VPS16: variants seen among roughly 807,000 people sequenced by gnomAD.
VPS16 encodes the protein vacuolar protein sorting-associated protein 16 homolog.
A neutral mutation model predicts 116.0 loss-of-function variants in VPS16; 82 were observed. The observed-to-expected ratio is 0.71, with a 90% CI of 0.59 to 0.85. VPS16 has a LOEUF of 0.85. VPS16 is among the 40% of genes least tolerant of loss of function. VPS16 has a pLI of 0.00. For missense variants in VPS16, 928 were observed against 1,090.6 expected (o/e 0.85, Z 2.10); for synonymous variants, 406 against 420.7 (o/e 0.96, Z 0.43).
intron 1 of VPS16, among the ~76,000 whole-genome samples, chr20:2,841,994 A>G (rs1213937676): frequency 1.3e-5 from 2 of 152,098 alleles, no homozygotes; most frequent in Non-Finnish European, 2.9e-5. Context: ...ACCTTAAGCA[A>G]TCTATCCACC....
Position 2,864,474 on chromosome 20 carries a change from G to C in VPS16, c.1818+12G>C. The C allele has an allele frequency of 6.2e-7, 1 of 1,614,124 alleles. No homozygotes were observed. The highest frequency in any genetic ancestry group is 1.7e-5 in the Admixed American group (1 of 60,014). Reference sequence around the variant, plus strand: ...GTTTGTACCGACAGGTGTGTGTAGTGGGCAGGGTTGTGGTGTAGCCTTCTG... The same window carrying C: ...GTTTGTACCGACAGGTGTGTGTAGTCGGCAGGGTTGTGGTGTAGCCTTCTG... On this transcript the variant is annotated intron_variant, in intron 18 of 23. Transcript: ENST00000380445. The surrounding 1 kb of genome is among the most constrained non-coding windows in gnomAD (Gnocchi z 5.2).
rs2089331881 is a variant in VPS16, at chr20:2,865,874, T to C, written c.2272-338T>C. ...CTGTGGTGGGTAGTTCAGAGGTGTA[T>C]AGGGCAGGTTTGAGAATGTCAATCA... is the stretch of plus-strand genomic sequence containing the variant. On this transcript the variant is annotated intron_variant, in intron 22 of 23. Coordinates refer to ENST00000380445, the MANE Select transcript of VPS16 (RefSeq NM_022575.4). This position sits in a 1 kb window ranked among gnomAD's most constrained non-coding sequence, Gnocchi z 5.2. The C allele has an allele frequency of 4.3e-6, 2 of 462,596 alleles. No individual in the cohort carries two copies. Among genetic ancestry groups the C allele is most frequent in the Middle Eastern group, 6.1e-4 (1 of 1,644 alleles). 28.7% of individuals were successfully genotyped at this position (462,596 alleles called of 1,614,324 possible). A position where few individuals can be genotyped will look rare whatever the true frequency, so the allele number is the denominator to read the frequency against.
In VPS16 at chr20:2,860,521, A is replaced by C; in HGVS notation, c.442A>C (p.Thr148Pro). The change falls in exon 5 of 24, where the codon ACA becomes CCA. Residue 148 changes from threonine (T) to proline (P), a missense_variant. Coordinates refer to ENST00000380445, the MANE Select transcript of VPS16 (RefSeq NM_022575.4). The surrounding 1 kb of genome is among the most constrained non-coding windows in gnomAD (Gnocchi z 6.1). ...TEFGSGVAILTGAHRFTLSAN... is the reference protein window; with the variant it reads ...TEFGSGVAILPGAHRFTLSAN... ...GTTTGGTTCCGGAGTGGCCATCCTC[A>C]CAGGGGCCCACCGCTTCACCCTCAG... 6.2e-7 allele frequency: 1 copy of C among 1,613,860 alleles called. No individual in the cohort carries two copies.
At chr20:2,843,871 G>A (rs1002526622) in intron 1 of VPS16, among the ~76,000 whole-genome samples, 1 of 152,242 alleles carries the variant, frequency 6.6e-6, no homozygotes, top group Non-Finnish European at 1.5e-5. Context: ...GGGGTCTAAG[G>A]CTTGCTGGGG....
chr20:2,864,655 G>A lies in VPS16; in HGVS notation c.1926+1G>A, dbSNP rs1015491873. On this transcript the variant is annotated splice_donor_variant, in intron 19 of 23. Transcript: ENST00000380445. LOFTEE classifies it high-confidence loss of function. This position sits in a 1 kb window ranked among gnomAD's most constrained non-coding sequence, Gnocchi z 5.2. Reference sequence around the variant, plus strand: ...CCGAGCCAGCTATGCTGCAGAAGAGGTCTGAGATCCATGGGGCGTGTGGGG... The same window carrying A: ...CCGAGCCAGCTATGCTGCAGAAGAGATCTGAGATCCATGGGGCGTGTGGGG... 1 of 1,613,956 alleles carries A rather than the reference G, an allele frequency of 6.2e-7. No individual in the cohort carries two copies. The highest frequency in any genetic ancestry group is 8.5e-7 in the Non-Finnish European group (1 of 1,180,016).
chr20:2,852,901 A>G (rs1177057782), intron 1 of VPS16, among the ~76,000 whole-genome samples: 1 of 152,230 alleles, frequency 6.6e-6, no homozygotes, highest in Non-Finnish European at 1.5e-5. Context: ...TTGCCACAAC[A>G]GTGGGCTCTT....
At position 2,865,101 on chromosome 20, in the gene VPS16, C is replaced by T. The variant is rs1464548980; in HGVS notation, c.2004+46C>T. On this transcript the variant is annotated intron_variant, in intron 20 of 23. Transcript: ENST00000380445. This position sits in a 1 kb window ranked among gnomAD's most constrained non-coding sequence, Gnocchi z 5.2. ...AGAGCCTCCTCGTCTCCTGGTCTTC[C>T]CTCCTGGTCCCTCATCCCCATCATG... is the stretch of plus-strand genomic sequence containing the variant. 1 of 1,614,160 alleles carries T rather than the reference C, an allele frequency of 6.2e-7. No homozygotes were observed. The highest frequency in any genetic ancestry group is 8.5e-7 in the Non-Finnish European group (1 of 1,180,024).
Position 2,840,827 on chromosome 20 carries a change from G to T in VPS16, c.53G>T (p.Arg18Leu). The T allele has an allele frequency of 3.2e-6, 5 of 1,547,530 alleles. No homozygotes were observed. The highest frequency in any genetic ancestry group is 4.4e-6 in the Non-Finnish European group (5 of 1,146,406). Reference sequence around the variant, plus strand: ...CCACTCGGGGACTCTGCCTTTTACCGGTGAGCTGCCCCGCCCTCCCGCCCA... The same window carrying T: ...CCACTCGGGGACTCTGCCTTTTACCTGTGAGCTGCCCCGCCCTCCCGCCCA... ...WNPLGDSAFY[R>L]KYELYSMDWD... is the part of the protein sequence containing the mutation. The change falls in exon 1 of 24, where the codon CGG (arginine) becomes CTG (leucine). Residue 18 changes from arginine to leucine, a missense_variant and splice_region_variant. Transcript: ENST00000380445.
chr20:2,859,927 T>A, intron 2 of VPS16, 120 bp downstream of exon 2: 2 of 1,485,512 alleles, frequency 1.3e-6, no homozygotes, highest in Non-Finnish European at 1.9e-6. Context: ...CCTGCTGAGA[T>A]GCTTTTACTT....
chr20:2,846,868 T>C (rs751438716), intron 1 of VPS16, among the ~76,000 whole-genome samples: 3 of 152,166 alleles, frequency 2.0e-5, no homozygotes, highest in Non-Finnish European at 4.4e-5. Flanking sequence ...CCTCACTACA[T>C]CCTTAGGTTT....
chr20:2,865,342 T>G lies in VPS16; in HGVS notation c.2174+25T>G. 6.2e-7 allele frequency: 1 copy of G among 1,614,092 alleles called. No homozygotes were observed. The highest frequency in any genetic ancestry group is 8.5e-7 in the Non-Finnish European group (1 of 1,179,968). ...GGTAGGTGAGGGCCCAGGCTGCATG[T>G]GGGTCCCAGGACCACCTGCCTCTCC... On this transcript the variant is annotated intron_variant, in intron 21 of 23. Coordinates refer to ENST00000380445, the MANE Select transcript of VPS16 (RefSeq NM_022575.4). This position sits in a 1 kb window ranked among gnomAD's most constrained non-coding sequence, Gnocchi z 5.2.
Position 2,861,830 on chromosome 20 carries a change from C to T in VPS16, c.925C>T (p.Leu309=). 6.2e-7 allele frequency: 1 copy of T among 1,614,022 alleles called. No individual in the cohort carries two copies. The highest frequency in any genetic ancestry group is 8.5e-7 in the Non-Finnish European group (1 of 1,179,980). The change falls in exon 10 of 24, where the codon CTG becomes TTG. Residue 309 remains leucine, a synonymous_variant. Coordinates refer to ENST00000380445, the MANE Select transcript of VPS16 (RefSeq NM_022575.4). ...GTTTGTGCTGGATGAGGACTCCTAC[C>T]TGGTGCCTGAGCTCGATGGGGTCCG... The part of the protein sequence containing the change: ...IQFVLDEDSY[L]VPELDGVRIF...
Position 2,860,426 on chromosome 20 carries a change from A to T in VPS16, c.370-23A>T. On this transcript the variant is annotated intron_variant, in intron 4 of 23. Transcript: ENST00000380445. The surrounding 1 kb of genome is among the most constrained non-coding windows in gnomAD (Gnocchi z 6.1). ...GAGTTTATGACCCTGTGGCTCCCTT[A>T]ACCCATGGCCCCCTTTCCTCAGGAA... is the stretch of plus-strand genomic sequence containing the variant. The T allele has an allele frequency of 6.2e-7, 1 of 1,614,002 alleles. No individual in the cohort carries two copies. Among genetic ancestry groups the T allele is most frequent in the Non-Finnish European group, 8.5e-7 (1 of 1,179,988 alleles).
rs140706343 is a variant in VPS16, at chr20:2,865,712, G to A, written c.2271+217G>A. Among the ~76,000 whole-genome samples, 4 of 152,228 alleles carry A rather than the reference G, an allele frequency of 2.6e-5. No homozygotes were observed. Among genetic ancestry groups the A allele is most frequent in the Non-Finnish European group, 5.9e-5 (4 of 68,032 alleles). On this transcript the variant is annotated intron_variant, in intron 22 of 23. Transcript: ENST00000380445. The surrounding 1 kb of genome is among the most constrained non-coding windows in gnomAD (Gnocchi z 5.2). ...CAAGTTTGCCTGCAGATGTTACGGG[G>A]AGAGAGAATGAGCTGCTTTCCCCAG...
In VPS16 at chr20:2,865,227, C is replaced by T. The variant is rs1341989418; in HGVS notation, c.2084C>T (p.Ser695Phe). 1.2e-6 allele frequency: 2 copies of T among 1,614,092 alleles called. No individual in the cohort carries two copies. Among genetic ancestry groups the T allele is most frequent in the Non-Finnish European group, 1.7e-6 (2 of 1,180,042 alleles). Reference protein sequence around the residue: ...DELGGQFLDLSLHDTVTTLIL... With the variant: ...DELGGQFLDLFLHDTVTTLIL... ...CTGGGGGGCCAGTTCCTAGACCTGTCTCTACATGACACAGTTACCACCCTC... is the reference window on the plus strand; with the variant it reads ...CTGGGGGGCCAGTTCCTAGACCTGTTTCTACATGACACAGTTACCACCCTC... The change falls in exon 21 of 24, where the codon TCT becomes TTT. Residue 695 changes from serine (S) to phenylalanine (F), a missense_variant. By Grantham distance (155) the Ser-to-Phe change is radical. Transcript: ENST00000380445. The surrounding 1 kb of genome is among the most constrained non-coding windows in gnomAD (Gnocchi z 5.2).
chr20:2,854,891 C>T (rs900839939), intron 1 of VPS16, among the ~76,000 whole-genome samples: 26 of 130,214 alleles, frequency 2.0e-4, no homozygotes, highest in South Asian at 4.8e-4. Flanking sequence ...GGCATAAAGA[C>T]AACATTAATC....
chr20:2,859,363 A>T lies in VPS16; in HGVS notation c.54-356A>T, dbSNP rs952605119. Among the ~76,000 whole-genome samples the T allele has an allele frequency of 3.9e-5, 6 of 152,320 alleles. No homozygotes were observed. The East Asian group carries it at 1.2e-3, about 29-fold the overall frequency. ...TTTTCTGAGAGTCTCATTTCCTGCT[A>T]AAGCTGGCCTGAGCCAGCCACTTCA... On this transcript the variant is annotated intron_variant, in intron 1 of 23. Transcript: ENST00000380445.
At chr20:2,848,594 G>T (rs984492813) in intron 1 of VPS16, among the ~76,000 whole-genome samples, 5 of 152,200 alleles carry the variant, frequency 3.3e-5, no homozygotes, top group Non-Finnish European at 7.3e-5. Flanking sequence ...TGCAATTGGT[G>T]CTATAACCAA....
chr20:2,859,572 C>T (rs892440079), intron 1 of VPS16, 147 bp from the exon 2 acceptor site: 108 of 934,374 alleles, frequency 1.2e-4, no homozygotes, highest in African/African-American at 1.7e-5. Flanking sequence ...TGGTCATCAC[C>T]CTCCTCCCTC....
Sources: gnomAD v4.1 joint callset for allele counts (sites outside exome capture counted in the v4.1 genomes callset) on GRCh38, gnomAD v4.1.1 for gene constraint, Gnocchi (gnomAD v3.1) non-coding constraint, MANE v1.5 for transcripts, NCBI Gene and HGNC (gene_info 2026-07-23, HGNC 2026-07-21) for gene names.